The following IST1 variants were observed in gnomAD, a reference collection of about 807,000 sequenced individuals.
IST1 encodes the protein IST1 factor associated with ESCRT-III, also known as IST1 homolog.
A neutral mutation model predicts 37.0 loss-of-function variants in IST1; 23 were observed. The observed-to-expected ratio is 0.62, with a 90% CI of 0.45 to 0.88. The LOEUF is 0.88. Among genes scored for constraint, IST1 ranks in the 40% least tolerant of loss-of-function variants. The pLI is 0.00. For missense variants in IST1, 488 were observed against 445.4 expected (o/e 1.10, Z -0.86); for synonymous variants, 180 against 161.7 (o/e 1.11, Z -0.86).
chr16:71,895,139 G>GAGC, upstream of IST1: 1 of 282,810 alleles, frequency 3.5e-6, no homozygotes, highest in South Asian at 4.6e-5. Flanking sequence ...AGATCTTAGG[G>GAGC]AGCAACTCCC....
intron 1 of IST1, among the ~76,000 whole-genome samples, chr16:71,915,254 T>C (rs1365592128): frequency 6.6e-6 from 1 of 152,178 alleles, no homozygotes; most frequent in Admixed American, 6.5e-5. Flanking sequence ...TATCTTTTTA[T>C]CACACCACCC....
intron 3 of IST1, 31 bp downstream of exon 3, chr16:71,916,673 A>G: frequency 6.4e-7 from 1 of 1,567,616 alleles, no homozygotes; most frequent in Non-Finnish European, 8.7e-7. Flanking sequence ...GACCTAAATC[A>G]TTTCTGGAAT....
chr16:71,912,015 G>T (rs1360134913), intron 1 of IST1, among the ~76,000 whole-genome samples: 1 of 151,754 alleles, frequency 6.6e-6, no homozygotes, highest in Non-Finnish European at 1.5e-5. Context: ...AAACTTGGAA[G>T]TTTGAAAGAG....
intron 9 of IST1, 99 bp downstream of exon 9, chr16:71,924,916 G>GAAAC: frequency 8.5e-6 from 7 of 822,142 alleles, no homozygotes; most frequent in South Asian, 1.4e-5. Flanking sequence ...CATGTCCATG[G>GAAAC]ACTTCTATCT....
chr16:71,924,158 A>T (rs1178977731), intron 8 of IST1: 2 of 455,922 alleles, frequency 4.4e-6, no homozygotes, highest in African/African-American at 4.0e-5. Flanking sequence ...CATAACCCAC[A>T]GCCGTTGGTA....
In IST1 at chr16:71,929,733, G is replaced by A. The variant is rs544343872; in HGVS notation, c.*1920G>A. 41 of 1,425,332 alleles carry A rather than the reference G, an allele frequency of 2.9e-5. No individual in the cohort carries two copies. The highest frequency in any genetic ancestry group is 1.8e-4 in the Middle Eastern group (1 of 5,558). 88.3% of individuals were successfully genotyped at this position (1,425,332 alleles called of 1,614,324 possible). A position where few individuals can be genotyped will look rare whatever the true frequency, so the allele number is the denominator to read the frequency against. Reference sequence around the variant, plus strand: ...GAGAAAATTGAAATTACTGCTAATAGTGGAGTAAAAAAAGTACCAAAGATT... The same window carrying A: ...GAGAAAATTGAAATTACTGCTAATAATGGAGTAAAAAAAGTACCAAAGATT... On this transcript the variant is annotated 3_prime_UTR_variant, in exon 10 of 10. Coordinates refer to ENST00000378799, the MANE Select transcript of IST1 (RefSeq NM_001270975.2).
intron 9 of IST1, among the ~76,000 whole-genome samples, chr16:71,927,362 G>T (rs546868950): frequency 6.6e-6 from 1 of 151,852 alleles, no homozygotes; most frequent in Non-Finnish European, 1.5e-5. Context: ...GGTGGCATGC[G>T]CCTGTAATCC....
chr16:71,905,660 G>A (rs1287943281), intron 1 of IST1, among the ~76,000 whole-genome samples: 2 of 152,166 alleles, frequency 1.3e-5, no homozygotes, highest in Non-Finnish European at 1.5e-5. Context: ...GATTACAGGC[G>A]TGAGCCACCG....
At chr16:71,924,606 CATAGT>C in intron 8 of IST1, 158 bp from the exon 9 acceptor site, 1 of 639,408 alleles carries the variant, frequency 1.6e-6, no homozygotes, top group East Asian at 2.7e-5. Context: ...AGGAGTTCAA[CATAGT>C]ATCTACCTGA....
At chr16:71,915,231 C>T (rs577490275) in intron 1 of IST1, among the ~76,000 whole-genome samples, 1 of 152,142 alleles carries the variant, frequency 6.6e-6, no homozygotes, top group African/African-American at 2.4e-5. Flanking sequence ...AGCAGGGAGC[C>T]CTTCTGCTTC....
At chr16:71,924,708 ACCAGTACTTTCT>A (rs1398910078) in intron 8 of IST1, 49 bp from the exon 9 acceptor site, 126 of 1,286,146 alleles carry the variant, frequency 9.8e-5, no homozygotes, top group Non-Finnish European at 1.3e-4. Context: ...AGGGGCTTAC[ACCAGTACTTTCT>A]CCAGTGACAC....
chr16:71,921,428 C>T lies in IST1; in HGVS notation c.527C>T (p.Pro176Leu). The T allele has an allele frequency of 6.2e-7, 1 of 1,610,188 alleles. No individual in the cohort carries two copies. The highest frequency in any genetic ancestry group is 8.5e-7 in the Non-Finnish European group (1 of 1,176,494). The change falls in exon 6 of 10, where the codon CCC becomes CTC. Residue 176 changes from proline to leucine, a missense_variant. Around this residue, in one of 2 missense-constraint regions of IST1, gnomAD observed 455 missense variants for 386.2 expected, o/e 1.18. Transcript: ENST00000378799. Reference sequence around the variant, plus strand: ...GAAATTGCAAAGAATTACAACGTACCCTATGAACCTGACTCTGTGGTCATG... The same window carrying T: ...GAAATTGCAAAGAATTACAACGTACTCTATGAACCTGACTCTGTGGTCATG... ...LIEIAKNYNVPYEPDSVVMAE... is the reference protein window; with the variant it reads ...LIEIAKNYNVLYEPDSVVMAE...
intron 1 of IST1, among the ~76,000 whole-genome samples, chr16:71,911,709 G>A (rs934366321): frequency 5.3e-5 from 6 of 113,660 alleles, no homozygotes; most frequent in Admixed American, 4.3e-4. Flanking sequence ...TTTAAACTTC[G>A]ATTTTTTTTT....
intron 9 of IST1, 114 bp from the exon 10 acceptor site, chr16:71,927,500 A>G (rs2037772860): frequency 3.1e-5 from 25 of 801,084 alleles, no homozygotes; most frequent in Non-Finnish European, 1.0e-5. Context: ...AAAAAAAAAA[A>G]AAGTTTGTGA....
Position 71,929,440 on chromosome 16 carries a change from G to T in IST1, c.*1627G>T. On this transcript the variant is annotated 3_prime_UTR_variant, in exon 10 of 10. Transcript: ENST00000378799. Reference sequence around the variant, plus strand: ...AGGGGATTTTGATTCCTAACTTACAGAATTAAAAACAAAGTATATTATAAT... The same window carrying T: ...AGGGGATTTTGATTCCTAACTTACATAATTAAAAACAAAGTATATTATAAT... 1 of 1,235,280 alleles carries T rather than the reference G, an allele frequency of 8.1e-7. No homozygotes were observed. Among genetic ancestry groups the T allele is most frequent in the Non-Finnish European group, 1.1e-6 (1 of 916,666 alleles). 76.5% of individuals were successfully genotyped at this position (1,235,280 alleles called of 1,614,324 possible). A position where few individuals can be genotyped will look rare whatever the true frequency, so the allele number is the denominator to read the frequency against.
chr16:71,916,633 A>G lies in IST1; in HGVS notation c.260A>G (p.Gln87Arg). 1 of 1,609,688 alleles carries G rather than the reference A, an allele frequency of 6.2e-7. No homozygotes were observed. The highest frequency in any genetic ancestry group is 2.2e-5 in the East Asian group (1 of 44,822). The change falls in exon 3 of 10, where the codon CAG becomes CGG. Residue 87 changes from glutamine to arginine, a missense_variant. Gln to Arg is a conservative substitution (Grantham distance 43). Transcript: ENST00000378799. ...CTGCTGGCTCGGTTTGGCCTTATCC[A>G]GTCTATGAAGTAAGATATTTTGATT... ...DLLLARFGLI[Q>R]SMKELDSGLA...
At chr16:71,894,792 C>A, upstream of IST1, 1 of 1,507,144 alleles carries the variant, frequency 6.6e-7, no homozygotes, top group South Asian at 1.2e-5. Flanking sequence ...CGCCCCGCCT[C>A]TCAAAGTGCT....
chr16:71,921,606 C>T (rs893239843), intron 6 of IST1, 153 bp downstream of exon 6: 29 of 584,384 alleles, frequency 5.0e-5, no homozygotes, highest in African/African-American at 3.9e-4. Context: ...GCCTGCATAT[C>T]TCACAGGGTA....
Position 71,929,546 on chromosome 16 carries a change from G to A in IST1, c.*1733G>A. On this transcript the variant is annotated 3_prime_UTR_variant, in exon 10 of 10. Transcript: ENST00000378799. ...AGTAGGAGATAACAGGATTAAGGTA[G>A]TTCATCTAAAACTTCAGTGTCACTG... 1 of 1,550,562 alleles carries A rather than the reference G, an allele frequency of 6.4e-7. No individual in the cohort carries two copies. The highest frequency in any genetic ancestry group is 8.7e-7 in the Non-Finnish European group (1 of 1,146,696).
Sources: allele counts gnomAD v4.1 joint callset (sites outside exome capture counted in the v4.1 genomes callset), GRCh38; gene constraint gnomAD v4.1.1; regional missense constraint gnomAD v4.1.1; transcripts MANE v1.5; gene names NCBI Gene and HGNC (gene_info 2026-07-23, HGNC 2026-07-21).